LRRC39: variants seen among roughly 807,000 people sequenced by gnomAD.
LRRC39 encodes leucine-rich repeat-containing protein 39.
Under a neutral mutation model 39.7 loss-of-function variants are expected in LRRC39, and 35 were observed. That is an observed-to-expected ratio of 0.88 (90% confidence interval 0.67 to 1.17). The LOEUF (loss-of-function observed/expected upper bound fraction) is 1.17. LRRC39 is among the 50% of genes most tolerant of loss of function. The pLI is 0.00. For synonymous variants in LRRC39, 113 were observed against 134.1 expected (o/e 0.84, Z 1.09); for missense variants, 357 against 385.8 (o/e 0.93, Z 0.62).
At chr1:100,160,439 A>G in intron 4 of LRRC39, 27 bp downstream of exon 4, 1 of 1,586,986 alleles carries the variant, frequency 6.3e-7, no homozygotes. Flanking sequence ...CAAAATGTGG[A>G]AAATCAAATA....
intron 9 of LRRC39, chr1:100,149,598 G>A: frequency 1.8e-6 from 1 of 564,654 alleles, no homozygotes; most frequent in Non-Finnish European, 3.0e-6. Flanking sequence ...TTTTATATAT[G>A]TAGGCACAAA....
intron 9 of LRRC39, among the ~76,000 whole-genome samples, chr1:100,150,987 C>T (rs138070731): frequency 2.6e-5 from 4 of 151,874 alleles, no homozygotes; most frequent in East Asian, 1.9e-4. Flanking sequence ...ATTAGTGGGG[C>T]GTGGCGTGGT....
chr1:100,152,942 G>T (rs1658162973), intron 8 of LRRC39, among the ~76,000 whole-genome samples: 4 of 152,156 alleles, frequency 2.6e-5, no homozygotes, highest in Non-Finnish European at 5.9e-5. Context: ...GGCCAGGCTG[G>T]TCTCAAACTC....
chr1:100,168,764 T>C, intron 2 of LRRC39, 170 bp from the exon 3 acceptor site: 1 of 333,592 alleles, frequency 3.0e-6, no homozygotes, highest in East Asian at 5.8e-5. Context: ...ATATAGGTAC[T>C]TTTATTGACT....
intron 3 of LRRC39, 53 bp from the exon 4 acceptor site, chr1:100,160,624 C>A (rs2101778108): frequency 2.9e-6 from 4 of 1,374,962 alleles, no homozygotes; most frequent in Non-Finnish European, 3.0e-6. Context: ...AAGTGGCATT[C>A]ACTTTTTTTT....
chr1:100,166,051 TTTCATTTGGTTCTCA>T (rs1400283672), intron 3 of LRRC39, among the ~76,000 whole-genome samples: 21 of 152,206 alleles, frequency 1.4e-4, no homozygotes, highest in Non-Finnish European at 2.4e-4. Flanking sequence ...AGGATTCCCC[TTTCATTTGGTTCTCA>T]TTCTCTCTTT....
chr1:100,148,947 T>C lies in LRRC39; in HGVS notation c.*95A>G. The C allele has an allele frequency of 8.1e-7, 1 of 1,241,766 alleles. No homozygotes were observed. The highest frequency in any genetic ancestry group is 1.1e-6 in the Non-Finnish European group (1 of 927,464). 76.9% of individuals were successfully genotyped at this position (1,241,766 alleles called of 1,614,324 possible). ...ACTTTAAAAAATGCTGTGGCCTCATTAAACTTTGGTAATAGCTTTTCTTTT... is the reference window on the plus strand; with the variant it reads ...ACTTTAAAAAATGCTGTGGCCTCATCAAACTTTGGTAATAGCTTTTCTTTT... On this transcript the variant is annotated 3_prime_UTR_variant, in exon 10 of 10. Transcript: ENST00000370137.
In LRRC39 at chr1:100,158,380, A is replaced by G. The variant is rs1368874507; in HGVS notation, c.377-13T>C. On this transcript the variant is annotated splice_polypyrimidine_tract_variant and intron_variant, in intron 5 of 9. Transcript: ENST00000370137. ...CTAGTAAGCAGTCCTATAAAAAATA[A>G]TATACAATAGAGAGGAGTTGGATAT... The G allele has an allele frequency of 6.2e-7, 1 of 1,605,388 alleles. No individual in the cohort carries two copies. The highest frequency in any genetic ancestry group is 8.5e-7 in the Non-Finnish European group (1 of 1,172,928).
At chr1:100,150,055 T>C (rs1329290166) in intron 9 of LRRC39, 1 of 152,288 alleles carries the variant, frequency 6.6e-6, no homozygotes, top group African/African-American at 2.4e-5. Flanking sequence ...CTACCTAATC[T>C]CTTTGTGCCT....
At chr1:100,151,298 A>G (rs370819314) in intron 9 of LRRC39, among the ~76,000 whole-genome samples, 6 of 152,086 alleles carry the variant, frequency 3.9e-5, no homozygotes, top group African/African-American at 1.4e-4. Context: ...CCCTTTTCTC[A>G]TCTTCATTCA....
chr1:100,154,764 A>G (rs1658333657), intron 8 of LRRC39, among the ~76,000 whole-genome samples: 1 of 152,192 alleles, frequency 6.6e-6, no homozygotes, highest in South Asian at 2.1e-4. Flanking sequence ...TCATACATTT[A>G]CTTTCTTCCC....
intron 6 of LRRC39, among the ~76,000 whole-genome samples, chr1:100,157,370 T>A (rs1457944130): frequency 6.6e-6 from 1 of 152,194 alleles, no homozygotes; most frequent in Non-Finnish European, 1.5e-5. Context: ...ATGTAAGACG[T>A]GCCTTTTGCC....
intron 8 of LRRC39, 64 bp downstream of exon 8, chr1:100,154,987 A>G (rs1158098538): frequency 4.2e-6 from 6 of 1,421,204 alleles, no homozygotes; most frequent in Non-Finnish European, 5.7e-6. Context: ...ATCTCTCTAC[A>G]GTACTTTTTT....
At position 100,168,529 on chromosome 1, in the gene LRRC39, T is replaced by C. The variant is rs754911064; in HGVS notation, c.-13A>G. On this transcript the variant is annotated 5_prime_UTR_variant, in exon 3 of 10. It removes an upstream start codon present in the reference 5' UTR. Coordinates refer to ENST00000370137, the MANE Select transcript of LRRC39 (RefSeq NM_144620.4). ...CATTTTCTGTCATGATTTCTCCACATTGTCATAGTCACCAACTTCATTAGG... is the reference window on the plus strand; with the variant it reads ...CATTTTCTGTCATGATTTCTCCACACTGTCATAGTCACCAACTTCATTAGG... 3 of 1,592,618 alleles carry C rather than the reference T, an allele frequency of 1.9e-6. No individual in the cohort carries two copies. Among genetic ancestry groups the C allele is most frequent in the Admixed American group, 3.4e-5 (2 of 57,978 alleles).
intron 3 of LRRC39, among the ~76,000 whole-genome samples, chr1:100,164,606 C>T (rs1024442870): frequency 6.6e-6 from 1 of 152,146 alleles, no homozygotes; most frequent in African/African-American, 2.4e-5. Context: ...TTCCAGTTAG[C>T]CTTTTCTCTG....
intron 8 of LRRC39, among the ~76,000 whole-genome samples, chr1:100,154,214 G>A (rs896333617): frequency 6.6e-6 from 1 of 151,998 alleles, no homozygotes; most frequent in Non-Finnish European, 1.5e-5. Flanking sequence ...TAGCTAACTA[G>A]AAGCCCAAAA....
At chr1:100,179,350 A>G (rs1660144800), upstream of LRRC39, among the ~76,000 whole-genome samples, 1 of 151,850 alleles carries the variant, frequency 6.6e-6, no homozygotes, top group South Asian at 2.1e-4. Flanking sequence ...ACACCACCCA[A>G]CACATACAGA....
chr1:100,172,327 ACAAAT>A (rs1466833031), intron 2 of LRRC39, among the ~76,000 whole-genome samples: 3 of 152,260 alleles, frequency 2.0e-5, no homozygotes, highest in Non-Finnish European at 4.4e-5. Flanking sequence ...AATCTCACTA[ACAAAT>A]ATATTAACAG....
intron 3 of LRRC39, among the ~76,000 whole-genome samples, chr1:100,167,591 A>G (rs1570775936): frequency 6.6e-6 from 1 of 152,206 alleles, no homozygotes; most frequent in East Asian, 1.9e-4. Flanking sequence ...CCTGGCCAAC[A>G]TGGTGAAACC....
Sources: gnomAD v4.1 joint callset for allele counts (sites outside exome capture counted in the v4.1 genomes callset) on GRCh38, gnomAD v4.1.1 for gene constraint, MANE v1.5 for transcripts, NCBI Gene and HGNC (gene_info 2026-07-23, HGNC 2026-07-21) for gene names.